Variants in SMARCD3 observed in about 807,000 individuals in gnomAD.
SMARCD3 encodes the protein SWI/SNF related BAF chromatin remodeling complex subunit D3.
Under a neutral mutation model 58.0 loss-of-function variants are expected in SMARCD3, and 14 were observed. That is an observed-to-expected ratio of 0.24 (90% CI 0.16 to 0.38). The LOEUF is 0.38. Ranked by LOEUF, SMARCD3 falls within the 10% of genes least tolerant of loss-of-function variation. The pLI, the probability that SMARCD3 is intolerant of heterozygous loss-of-function variation, is 1.00. For synonymous variants in SMARCD3, 253 were observed against 253.8 expected (o/e 1.00, Z 0.03); for missense variants, 408 against 636.9 (o/e 0.64, Z 3.87).
chr7:151,276,509 G>A (rs1170818632), intron 1 of SMARCD3, among the ~76,000 whole-genome samples: 1 of 143,832 alleles, frequency 7.0e-6, no homozygotes, highest in African/African-American at 2.6e-5. Flanking sequence ...GGATAGGAAG[G>A]TACTGGAGAG....
At chr7:151,249,912 C>A (rs546514308), upstream of SMARCD3, among the ~76,000 whole-genome samples, 1 of 138,512 alleles carries the variant, frequency 7.2e-6, no homozygotes, top group Non-Finnish European at 1.6e-5. The surrounding 1 kb of genome is among the most constrained non-coding windows in gnomAD (Gnocchi z 4.8). Context: ...CCAAAGGCCA[C>A]GCCCCTTTTT....
chr7:151,250,618 C>T (rs760559951), upstream of SMARCD3, among the ~76,000 whole-genome samples: 2 of 151,910 alleles, frequency 1.3e-5, no homozygotes, highest in African/African-American at 2.4e-5. Context: ...AGCCTTCCTT[C>T]GTCCTACTTG....
intron 2 of SMARCD3, among the ~76,000 whole-genome samples, chr7:151,263,930 C>T (rs1459512986): frequency 1.3e-5 from 2 of 152,336 alleles, no homozygotes; most frequent in East Asian, 3.9e-4. Context: ...GTGCCTTCAG[C>T]TCCACCAGTC....
chr7:151,252,440 T>TGTGA (rs139159274), upstream of SMARCD3, among the ~76,000 whole-genome samples: 3,637 of 149,486 alleles, frequency 0.024, 66 homozygotes, highest in African/African-American at 0.043. Flanking sequence ...TGTGTGTGTG[T>TGTGA]GAGAGAGAGA....
At chr7:151,247,511 C>T (rs990246531) in intron 1 of SMARCD3, among the ~76,000 whole-genome samples, 4 of 152,074 alleles carry the variant, frequency 2.6e-5, no homozygotes, top group African/African-American at 7.2e-5. Flanking sequence ...GAGCTGTGCC[C>T]GCCACCAGCC....
Position 151,243,603 on chromosome 7 carries a change from G to C in SMARCD3, c.333+56C>G, listed in dbSNP as rs915551407. The C allele has an allele frequency of 4.1e-6, 4 of 963,952 alleles. No homozygotes were observed. The Admixed American group carries it at 6.8e-5, about 16-fold the overall frequency. The allele number at this position is 963,952 out of a possible 1,614,324, so 59.7% of individuals were successfully genotyped here. A position where few individuals can be genotyped will look rare whatever the true frequency, so the allele number is the denominator to read the frequency against. ...GCTCTGCTTCTGAGGGGGGAGGGGA[G>C]GGCGGAGCAGCAAAGGGTGGGGGGT... On this transcript the variant is annotated intron_variant, in intron 3 of 12. Transcript: ENST00000262188. The surrounding 1 kb of genome is among the most constrained non-coding windows in gnomAD (Gnocchi z 4.4).
chr7:151,260,391 T>C (rs1170867547), intron 2 of SMARCD3, among the ~76,000 whole-genome samples: 1 of 152,190 alleles, frequency 6.6e-6, no homozygotes, highest in Non-Finnish European at 1.5e-5. Context: ...ACATTGGGAA[T>C]ACAAATTCTA....
In SMARCD3 at chr7:151,241,202, A is replaced by G; in HGVS notation, c.939+290T>C. On this transcript the variant is annotated intron_variant, in intron 8 of 12. Coordinates refer to ENST00000262188, the MANE Select transcript of SMARCD3 (RefSeq NM_001003801.2). The surrounding 1 kb of genome is among the most constrained non-coding windows in gnomAD (Gnocchi z 5.3). ...TCAGGACTAGAACCTGGGGATCCTA[A>G]CTCCAAGTGCCAAGAATATTACATT... 4.6e-6 allele frequency: 2 copies of G among 437,542 alleles called. No individual in the cohort carries two copies. Among genetic ancestry groups the G allele is most frequent in the South Asian group, 4.2e-5 (2 of 47,504 alleles). 27.1% of individuals were successfully genotyped at this position (437,542 alleles called of 1,614,324 possible).
In SMARCD3 at chr7:151,248,238, A is replaced by AC. The variant is rs1297853496; in HGVS notation, c.78+246dup. On this transcript the variant is annotated intron_variant, in intron 1 of 12. Coordinates refer to ENST00000262188, the MANE Select transcript of SMARCD3 (RefSeq NM_001003801.2). The surrounding 1 kb of genome is among the most constrained non-coding windows in gnomAD (Gnocchi z 6.1). ...TTGGGGGGTAGAGTCCCCAAGTCCC[A>AC]CCCCCGCCCCTGACAAGAGCCATGC... Among the ~76,000 whole-genome samples, 1 of 117,040 alleles carries AC rather than the reference A, an allele frequency of 8.5e-6. No homozygotes were observed. Among genetic ancestry groups the AC allele is most frequent in the Non-Finnish European group, 1.8e-5 (1 of 56,162 alleles). 76.8% of individuals were successfully genotyped at this position (117,040 alleles called of 152,430 possible). A position where few individuals can be genotyped will look rare whatever the true frequency, so the allele number is the denominator to read the frequency against.
At chr7:151,255,256 G>A (rs1803663337) in intron 2 of SMARCD3, among the ~76,000 whole-genome samples, 1 of 152,100 alleles carries the variant, frequency 6.6e-6, no homozygotes, top group African/African-American at 2.4e-5. Context: ...CCCTCCTACT[G>A]TGTTGTCTGT....
upstream of SMARCD3, among the ~76,000 whole-genome samples, chr7:151,251,230 T>C (rs563148042): frequency 2.0e-5 from 3 of 152,164 alleles, no homozygotes; most frequent in South Asian, 4.2e-4. Context: ...CCCAAGTCCA[T>C]ACATAAGCGC....
intron 2 of SMARCD3, among the ~76,000 whole-genome samples, chr7:151,269,038 G>C (rs1330507955): frequency 6.6e-6 from 1 of 152,194 alleles, no homozygotes; most frequent in East Asian, 1.9e-4. Flanking sequence ...TCTTGAATCT[G>C]AGGTGGGGGC....
At chr7:151,251,656 C>T (rs1803514549), upstream of SMARCD3, among the ~76,000 whole-genome samples, 1 of 151,834 alleles carries the variant, frequency 6.6e-6, no homozygotes, top group Non-Finnish European at 1.5e-5. Context: ...TGGATTCCTC[C>T]CAGCGCAATA....
chr7:151,266,186 T>C lies in SMARCD3; in HGVS notation c.39+8928A>G, dbSNP rs187060814. ...TGTTTCACCATGTTGGCCAGGCTGG[T>C]CTCAAATTCCTGACCTCAAATGATC... is the stretch of plus-strand genomic sequence containing the variant. On this transcript the variant is annotated intron_variant, in intron 2 of 13. Transcript: ENST00000356800. 2.9e-3 allele frequency among the ~76,000 whole-genome samples: 445 copies of C among 152,224 alleles called. 2 individuals carry two copies. Among genetic ancestry groups the C allele is most frequent in the Non-Finnish European group, 4.8e-3 (329 of 68,008 alleles).
chr7:151,259,605 T>G (rs1803841870), intron 2 of SMARCD3, among the ~76,000 whole-genome samples: 1 of 106,080 alleles, frequency 9.4e-6, no homozygotes, highest in Non-Finnish European at 1.9e-5. Context: ...CTGAGAGTTT[T>G]TTTTTTTTTT....
chr7:151,245,616 G>T lies in SMARCD3; in HGVS notation c.134C>A (p.Pro45His), dbSNP rs1803221765. 1 of 1,184,536 alleles carries T rather than the reference G, an allele frequency of 8.4e-7. No homozygotes were observed. The highest frequency in any genetic ancestry group is 1.1e-6 in the Non-Finnish European group (1 of 945,344). The allele number at this position is 1,184,536 out of a possible 1,614,324, so 73.4% of individuals were successfully genotyped here. ...GCTGCCCATGTACGGGGAGCCCGGG[G>T]GGCCCATGGGCGCCCCCTGGTGGGG... ...RMPHQGAPMG[P>H]PGSPYMGSPA... The change falls in exon 2 of 13, where the codon CCC (proline) becomes CAC (histidine). Residue 45 changes from proline (P) to histidine (H), a missense_variant. By Grantham distance (77) the Pro-to-His change is moderately conservative. This residue lies in a region of SMARCD3 where 84 missense variants were observed against 81.2 expected (regional missense o/e 1.03). Transcript: ENST00000262188. This position sits in a 1 kb window ranked among gnomAD's most constrained non-coding sequence, Gnocchi z 6.2.
upstream of SMARCD3, among the ~76,000 whole-genome samples, chr7:151,249,896 A>C (rs1047016678): frequency 6.6e-6 from 1 of 152,044 alleles, no homozygotes; most frequent in Admixed American, 6.5e-5. This position sits in a 1 kb window ranked among gnomAD's most constrained non-coding sequence, Gnocchi z 4.8. Context: ...GGGCCTACCC[A>C]GGTCCCCAAA....
intron 2 of SMARCD3, among the ~76,000 whole-genome samples, chr7:151,262,237 T>C (rs1803940555): frequency 6.6e-6 from 1 of 152,162 alleles, no homozygotes; most frequent in Admixed American, 6.5e-5. Flanking sequence ...CATGCCACCA[T>C]GCCCGGCCAA....
intron 2 of SMARCD3, among the ~76,000 whole-genome samples, chr7:151,272,747 T>A (rs1795219146): frequency 6.6e-6 from 1 of 152,076 alleles, no homozygotes; most frequent in South Asian, 2.1e-4. Flanking sequence ...CACCAAGGAT[T>A]CCCACACCCC....
Sources: gnomAD v4.1 joint callset for allele counts (sites outside exome capture counted in the v4.1 genomes callset) on GRCh38, gnomAD v4.1.1 for gene constraint, gnomAD v4.1.1 regional missense constraint, Gnocchi (gnomAD v3.1) non-coding constraint, MANE v1.5 for transcripts, NCBI Gene and HGNC (gene_info 2026-07-23, HGNC 2026-07-21) for gene names.